ARHGEF10: variants seen among roughly 807,000 people sequenced by gnomAD.
ARHGEF10 encodes Rho guanine nucleotide exchange factor (GEF) 10.
Under a neutral mutation model 147.4 loss-of-function variants are expected in ARHGEF10, and 140 were observed. That is an observed-to-expected ratio of 0.95 (90% confidence interval 0.83 to 1.09). The LOEUF (loss-of-function observed/expected upper bound fraction) is 1.09, where lower values mean the gene tolerates loss of function less well. Among genes scored for constraint, ARHGEF10 ranks in the 50% least tolerant of loss-of-function variants. The pLI is 0.00. For synonymous variants in ARHGEF10, 902 were observed against 695.8 expected, an observed-to-expected ratio of 1.30 and a Z score of -4.67; for missense variants, 2,222 against 1,752.7, an observed-to-expected ratio of 1.27 and a Z score of -4.78.
intron 1 of ARHGEF10, among the ~76,000 whole-genome samples, chr8:1,831,543 C>T (rs1379765089): frequency 2.5e-4 from 16 of 64,694 alleles, no homozygotes; most frequent in South Asian, 1.6e-3. Flanking sequence ...GACAGTGTGA[C>T]GGCCGTGGAG....
intron 26 of ARHGEF10, among the ~76,000 whole-genome samples, chr8:1,940,300 T>G (rs1332654594): frequency 1.3e-5 from 2 of 152,158 alleles, no homozygotes; most frequent in African/African-American, 4.8e-5. Context: ...TATTCTGAAC[T>G]AGCTAAAGAA....
At chr8:1,827,179 C>A (rs1367538383) in intron 1 of ARHGEF10, among the ~76,000 whole-genome samples, 1 of 152,230 alleles carries the variant, frequency 6.6e-6, no homozygotes, top group Non-Finnish European at 1.5e-5. Flanking sequence ...AGCCCCCACG[C>A]TGATACACAC....
At position 1,956,865 on chromosome 8, in the gene ARHGEF10, G is replaced by C. The variant is rs201700871; in HGVS notation, c.3637G>C (p.Glu1213Gln). Residue 1213 changes from glutamate to glutamine, a missense_variant, in exon 29 of 29, where the codon GAG (glutamate) becomes CAG (glutamine). Transcript: ENST00000349830. ...KSRDSLAPGP[E>Q]PQDEDQKDAL... is the part of the protein sequence containing the mutation. ...CAGGGACAGCCTGGCTCCTGGCCCCGAGCCTCAGGACGAAGACCAGAAGGA... is the reference window on the plus strand; with the variant it reads ...CAGGGACAGCCTGGCTCCTGGCCCCCAGCCTCAGGACGAAGACCAGAAGGA... The C allele has an allele frequency of 6.2e-7, 1 of 1,614,084 alleles. No individual in the cohort carries two copies. Among genetic ancestry groups the C allele is most frequent in the Middle Eastern group, 1.6e-4 (1 of 6,062 alleles).
chr8:1,845,381 C>T (rs1228541288), intron 2 of ARHGEF10, among the ~76,000 whole-genome samples: 3 of 152,190 alleles, frequency 2.0e-5, no homozygotes, highest in African/African-American at 7.2e-5. Context: ...GGGTGAGCAC[C>T]AGAGCTTGCG....
At chr8:1,860,673 C>G (rs1347440971) in intron 4 of ARHGEF10, among the ~76,000 whole-genome samples, 1 of 152,172 alleles carries the variant, frequency 6.6e-6, no homozygotes, top group Non-Finnish European at 1.5e-5. Context: ...ATGTGTTGCC[C>G]CCTCATGTCT....
Position 1,952,801 on chromosome 8 carries a change from G to C in ARHGEF10, c.3494G>C (p.Arg1165Pro). 1 of 1,613,860 alleles carries C rather than the reference G, an allele frequency of 6.2e-7. No homozygotes were observed. Among genetic ancestry groups the C allele is most frequent in the Non-Finnish European group, 8.5e-7 (1 of 1,180,048 alleles). ...LGVLVALPVPRLQGIPKVTGR... is the reference protein window; with the variant it reads ...LGVLVALPVPPLQGIPKVTGR... ...GTCCTCGTGGCCCTGCCGGTCCCAC[G>C]TCTGCAAGGGATTCCCAAAGTGACC... The change falls in exon 28 of 29, where the codon CGT becomes CCT. Residue 1165 changes from arginine to proline, a missense_variant. Arg to Pro is a moderately radical substitution (Grantham distance 103). Coordinates refer to ENST00000349830, the MANE Select transcript of ARHGEF10 (RefSeq NM_014629.4).
At position 1,937,571 on chromosome 8, in the gene ARHGEF10, C is replaced by T. The variant is rs563592313; in HGVS notation, c.3222+3629C>T. ...CCTTGCATTTTTAGTACCAAAATAA[C>T]TAAATACATTTTTAGAAAGAAGCAA... On this transcript the variant is annotated intron_variant, in intron 26 of 28. Coordinates refer to ENST00000349830, the MANE Select transcript of ARHGEF10 (RefSeq NM_014629.4). The surrounding 1 kb of genome is among the most constrained non-coding windows in gnomAD (Gnocchi z 4.9). 2.1e-4 allele frequency among the ~76,000 whole-genome samples: 32 copies of T among 152,324 alleles called. No individual in the cohort carries two copies. The highest frequency in any genetic ancestry group is 7.7e-4 in the African/African-American group (32 of 41,578).
At chr8:1,843,319 G>A (rs754909894) in intron 1 of ARHGEF10, 34 bp from the exon 2 acceptor site, 1 of 1,562,228 alleles carries the variant, frequency 6.4e-7, no homozygotes, top group Non-Finnish European at 8.8e-7. Context: ...TTATCCACCT[G>A]AACGGTGACA....
intron 9 of ARHGEF10, among the ~76,000 whole-genome samples, chr8:1,881,509 A>T (rs1808191595): frequency 1.3e-5 from 2 of 152,166 alleles, no homozygotes; most frequent in South Asian, 4.1e-4. Flanking sequence ...GGGGCCAAGG[A>T]AATGGCAGCA....
chr8:1,903,483 A>C, intron 16 of ARHGEF10, 32 bp downstream of exon 16: 1 of 1,612,514 alleles, frequency 6.2e-7, no homozygotes, highest in Non-Finnish European at 8.5e-7. Flanking sequence ...CTCTATTCCA[A>C]AATTATTTTT....
chr8:1,880,235 C>A (rs768504315), intron 9 of ARHGEF10, 71 bp downstream of exon 9: 3 of 1,070,438 alleles, frequency 2.8e-6, no homozygotes, highest in South Asian at 1.3e-5. Context: ...GCGGCTCGGT[C>A]GGTCCTTGCT....
intron 25 of ARHGEF10, among the ~76,000 whole-genome samples, chr8:1,933,128 G>A (rs1585591537): frequency 2.6e-5 from 4 of 152,272 alleles, no homozygotes; most frequent in African/African-American, 7.2e-5. Context: ...AATATTTCAC[G>A]ACTGTCTAGG....
intron 28 of ARHGEF10, among the ~76,000 whole-genome samples, chr8:1,956,298 T>C (rs752427335): frequency 6.6e-6 from 1 of 152,244 alleles, no homozygotes; most frequent in Non-Finnish European, 1.5e-5. Flanking sequence ...AGAACGTTTT[T>C]GTAATGAAAA....
chr8:1,855,495 C>T (rs180706930), intron 2 of ARHGEF10, among the ~76,000 whole-genome samples: 157 of 152,234 alleles, frequency 1.0e-3, no homozygotes, highest in Non-Finnish European at 1.7e-3. Context: ...GATCCTCCCA[C>T]CTCAGCCTTC....
chr8:1,848,298 C>A (rs1416411631), intron 2 of ARHGEF10, among the ~76,000 whole-genome samples: 1 of 152,146 alleles, frequency 6.6e-6, no homozygotes, highest in Non-Finnish European at 1.5e-5. Context: ...GCAACATGCC[C>A]CAGGGAGGGA....
At position 1,952,825 on chromosome 8, in the gene ARHGEF10, C is replaced by A. The variant is rs187607027; in HGVS notation, c.3518C>A (p.Thr1173Asn). The change falls in exon 28 of 29, where the codon ACC (threonine) becomes AAC (asparagine). Residue 1173 changes from threonine (T) to asparagine (N), a missense_variant and splice_region_variant. Transcript: ENST00000349830. Reference sequence around the variant, plus strand: ...CGTCTGCAAGGGATTCCCAAAGTGACCGGTGAGTGGCACCTGCAGTCTGAG... The same window carrying A: ...CGTCTGCAAGGGATTCCCAAAGTGAACGGTGAGTGGCACCTGCAGTCTGAG... The part of the protein sequence containing the change: ...VPRLQGIPKV[T>N]GRGMVSYHAH... 5 of 1,613,896 alleles carry A rather than the reference C, an allele frequency of 3.1e-6. No individual in the cohort carries two copies. The highest frequency in any genetic ancestry group is 4.2e-6 in the Non-Finnish European group (5 of 1,180,040).
intron 28 of ARHGEF10, among the ~76,000 whole-genome samples, chr8:1,953,070 A>C (rs1433708678): frequency 1.3e-5 from 2 of 152,240 alleles, no homozygotes; most frequent in Non-Finnish European, 2.9e-5. Flanking sequence ...TTACTGCCAG[A>C]ATTAGTTTCC....
rs1803417521 is a variant in ARHGEF10 at position 1,833,822 on chromosome 8, C to T, written c.-47-9531C>T. Among the ~76,000 whole-genome samples the T allele has an allele frequency of 2.6e-5, 4 of 152,246 alleles. No individual in the cohort carries two copies. The South Asian group carries it at 8.3e-4, about 32-fold the overall frequency. The stretch of plus-strand genomic sequence containing the variant: ...CCATCCCCAGCTCCCTGTGCTGCTT[C>T]CCTGGGAGGGAGTCTTAGCTGGCAC... On this transcript the variant is annotated intron_variant, in intron 1 of 28. Transcript: ENST00000349830.
intron 1 of ARHGEF10, among the ~76,000 whole-genome samples, chr8:1,832,888 G>T (rs111204966): frequency 2.0e-5 from 1 of 50,808 alleles, no homozygotes; most frequent in East Asian, 6.2e-4. Flanking sequence ...AGAGACAGAG[G>T]CAGACGCAGA....
Sources: allele counts gnomAD v4.1 joint callset (sites outside exome capture counted in the v4.1 genomes callset), GRCh38; gene constraint gnomAD v4.1.1; non-coding constraint Gnocchi (gnomAD v3.1); transcripts MANE v1.5; gene names NCBI Gene and HGNC (gene_info 2026-07-23, HGNC 2026-07-21).